The following RRBP1 variants were observed in gnomAD, a reference collection of about 807,000 sequenced individuals.
RRBP1 encodes ribosome binding protein 1.
In RRBP1, 94 loss-of-function variants were observed where a neutral mutation model predicts 165.2. The ratio of observed to expected loss-of-function variants is 0.57; its 90% confidence interval spans 0.48 to 0.68. The LOEUF (loss-of-function observed/expected upper bound fraction) is 0.68, where lower values mean the gene tolerates loss of function less well. Ranked by LOEUF, RRBP1 falls within the 30% of genes least tolerant of loss-of-function variation. The pLI, the probability that RRBP1 is intolerant of heterozygous loss-of-function variation, is 0.00. For missense variants in RRBP1, 1,676 were observed against 1,763.0 expected (o/e 0.95, Z 0.88); for synonymous variants, 680 against 714.5 (o/e 0.95, Z 0.77).
chr20:17,639,246 T>A (rs1281893543), intron 5 of RRBP1, among the ~76,000 whole-genome samples: 1 of 152,178 alleles, frequency 6.6e-6, no homozygotes, highest in East Asian at 1.9e-4. Flanking sequence ...GCCCATCAAC[T>A]CCTGCAGACA....
chr20:17,648,616 T>C (rs1322817583), intron 3 of RRBP1, among the ~76,000 whole-genome samples: 1 of 152,276 alleles, frequency 6.6e-6, no homozygotes, highest in Non-Finnish European at 1.5e-5. Flanking sequence ...TTTCCTTTAG[T>C]TGGAGAAAAA....
chr20:17,619,719 G>A lies in RRBP1; in HGVS notation c.3589C>T (p.His1197Tyr), dbSNP rs766866786. 2.5e-6 allele frequency: 4 copies of A among 1,611,446 alleles called. No homozygotes were observed. In the South Asian group the frequency reaches 4.4e-5, roughly 18 times the overall value. ...AGCTCTGCCTCCAAATGCGACGTGT[G>A]CTCCCTCACCTGGACAGATGCACAG... ...ELESSDQVREHTSHLEAELEK... is the reference protein window; with the variant it reads ...ELESSDQVREYTSHLEAELEK... The change falls in exon 19 of 25, where the codon CAC (histidine) becomes TAC (tyrosine). Residue 1197 changes from histidine (H) to tyrosine (Y), a missense_variant. Transcript: ENST00000377813.
rs1284242889 is a variant in RRBP1 at position 17,615,501 on chromosome 20, TC to T, written c.3979del (p.Glu1327LysfsTer12). 1 of 1,606,652 alleles carries T rather than the reference TC, an allele frequency of 6.2e-7. No individual in the cohort carries two copies. The highest frequency in any genetic ancestry group is 1.3e-5 in the African/African-American group (1 of 74,386). ...EAQTSACRLQ[E>X]ELEKLRTAGP... ...GGCTGTGCGGAGCTTCTCCAATTCT[TC>T]TTGTAACCGACATGCCGAGGTCTGA... On this transcript the variant is annotated frameshift_variant, in exon 23 of 25. Transcript: ENST00000377813. LOFTEE classifies it high-confidence loss of function.
At position 17,614,101 on chromosome 20, in the gene RRBP1, T is replaced by G. The variant is rs2035743639; in HGVS notation, c.*81A>C. The G allele has an allele frequency of 7.9e-6, 11 of 1,386,664 alleles. No homozygotes were observed. Among genetic ancestry groups the G allele is most frequent in the Admixed American group, 1.7e-5 (1 of 59,620 alleles). 85.9% of individuals were successfully genotyped at this position (1,386,664 alleles called of 1,614,324 possible). A position where few individuals can be genotyped will look rare whatever the true frequency, so the allele number is the denominator to read the frequency against. On this transcript the variant is annotated 3_prime_UTR_variant, in exon 25 of 25. Transcript: ENST00000377813. ...GAAGTTGGGCCTGGATAACGCTGTG[T>G]AGGTTGGTTGGTTTATTTGTAAGGA...
chr20:17,663,001 C>A (rs184192447), intron 2 of RRBP1, among the ~76,000 whole-genome samples: 1 of 152,200 alleles, frequency 6.6e-6, no homozygotes, highest in Non-Finnish European at 1.5e-5. Flanking sequence ...CATAGTGAGA[C>A]CCCATCTCTA....
At chr20:17,640,858 C>T (rs1568769289) in intron 5 of RRBP1, among the ~76,000 whole-genome samples, 3 of 152,222 alleles carry the variant, frequency 2.0e-5, no homozygotes, top group Non-Finnish European at 4.4e-5. Flanking sequence ...ACTTCCAATT[C>T]TTTGTGCTCG....
In RRBP1 at chr20:17,656,489, T is replaced by C. The variant is rs556430092; in HGVS notation, c.1912+2107A>G. Among the ~76,000 whole-genome samples, 121 of 152,344 alleles carry C rather than the reference T, an allele frequency of 7.9e-4. 3 individuals are homozygous for C. The South Asian group carries it at 0.012, about 16-fold the overall frequency. Reference sequence around the variant, plus strand: ...AGTGCTTGGCGGGTCTAAGAAGACTTTTCCAAATTATGAATATATGAACAC... The same window carrying C: ...AGTGCTTGGCGGGTCTAAGAAGACTCTTCCAAATTATGAATATATGAACAC... On this transcript the variant is annotated intron_variant, in intron 3 of 24. Coordinates refer to ENST00000377813, the MANE Select transcript of RRBP1 (RefSeq NM_001365613.2).
At chr20:17,661,354 TG>T (rs777239827) in intron 2 of RRBP1, among the ~76,000 whole-genome samples, 4 of 152,220 alleles carry the variant, frequency 2.6e-5, no homozygotes, top group Non-Finnish European at 5.9e-5. Flanking sequence ...GAATCAGTCT[TG>T]GGAGGCCCAG....
Position 17,616,002 on chromosome 20 carries a change from G to T in RRBP1, c.3875C>A (p.Thr1292Lys). 6.2e-7 allele frequency: 1 copy of T among 1,605,540 alleles called. No individual in the cohort carries two copies. Among genetic ancestry groups the T allele is most frequent in the South Asian group, 1.1e-5 (1 of 90,962 alleles). The change falls in exon 22 of 25, where the codon ACG becomes AAG. Residue 1292 changes from threonine (T) to lysine (K), a missense_variant. Coordinates refer to ENST00000377813, the MANE Select transcript of RRBP1 (RefSeq NM_001365613.2). ...GATGGCTTCTGTCCACTCCAGCTGCGTCTTCAGCTGTGCAAACACCGCAAA... is the reference window on the plus strand; with the variant it reads ...GATGGCTTCTGTCCACTCCAGCTGCTTCTTCAGCTGTGCAAACACCGCAAA... ...PAEQDPVQLK[T>K]QLEWTEAILE...
intron 9 of RRBP1, among the ~76,000 whole-genome samples, 177 bp from the exon 10 acceptor site, chr20:17,627,859 G>A (rs2036060596): frequency 6.6e-6 from 1 of 152,208 alleles, no homozygotes; most frequent in Non-Finnish European, 1.5e-5. Flanking sequence ...CTTGTTAGCG[G>A]TTGAAGAAAG....
chr20:17,647,680 T>C (rs1398257801), intron 3 of RRBP1, among the ~76,000 whole-genome samples: 1 of 152,158 alleles, frequency 6.6e-6, no homozygotes, highest in Admixed American at 6.5e-5. Context: ...CCAGGGACTC[T>C]GGCAATGGAA....
In RRBP1 at chr20:17,633,514, C is replaced by T. The variant is rs577880579; in HGVS notation, c.2556G>A (p.Arg852=). The change falls in exon 8 of 25, where the codon CGG becomes CGA. Residue 852 remains arginine (R), a synonymous_variant. Transcript: ENST00000377813. ...CAGCTGCCTTGGCTTCCAGAGCTTT[C>T]CGCTGCTGCTCATCTTGCCGCACAG... ...SEAVRQDEQQ[R]KALEAKAAAF... is the part of the protein sequence containing the mutation. 1 of 1,614,068 alleles carries T rather than the reference C, an allele frequency of 6.2e-7. No homozygotes were observed. Among genetic ancestry groups the T allele is most frequent in the South Asian group, 1.1e-5 (1 of 91,080 alleles).
At position 17,659,301 on chromosome 20, in the gene RRBP1, CAGCCTTCTTGCCCTGGTTCTG is replaced by C. The variant is rs2036709210; in HGVS notation, c.1186_1206del (p.Gln396_Ala402del). On this transcript the variant is annotated inframe_deletion, in exon 3 of 25. Coordinates refer to ENST00000377813, the MANE Select transcript of RRBP1 (RefSeq NM_001365613.2). Reference sequence around the variant, plus strand: ...TTTTTGCCCTGGTTCTGGGCACCCTCAGCCTTCTTGCCCTGGTTCTGGGCCCCTTCTACTTTTTTGCCCTGG... The same window carrying C: ...TTTTTGCCCTGGTTCTGGGCACCCTCGGCCCCTTCTACTTTTTTGCCCTGG... 6.5e-7 allele frequency: 1 copy of C among 1,540,358 alleles called. No homozygotes were observed. Among genetic ancestry groups the C allele is most frequent in the African/African-American group, 1.4e-5 (1 of 69,222 alleles).
At chr20:17,665,332 C>T (rs2122474574) in intron 2 of RRBP1, among the ~76,000 whole-genome samples, 1 of 152,246 alleles carries the variant, frequency 6.6e-6, no homozygotes, top group East Asian at 1.9e-4. Flanking sequence ...TTTGACTAAA[C>T]TTTGTGAGAA....
At position 17,660,215 on chromosome 20, in the gene RRBP1, T is replaced by C; in HGVS notation, c.293A>G (p.Glu98Gly). 6.2e-7 allele frequency: 1 copy of C among 1,613,762 alleles called. No individual in the cohort carries two copies. The highest frequency in any genetic ancestry group is 8.5e-7 in the Non-Finnish European group (1 of 1,179,838). Residue 98 changes from glutamate to glycine, a missense_variant, in exon 3 of 25, where the codon GAA becomes GGA. Coordinates refer to ENST00000377813, the MANE Select transcript of RRBP1 (RefSeq NM_001365613.2). ...AGCCACAGCAGGAGCCCGCACTGGT[T>C]CTCGAAGGAGGACAGTCACATTGGG... The part of the protein sequence containing the change: ...PAPNVTVLLR[E>G]PVRAPAVAVA...
rs374258265 is a variant in RRBP1, at chr20:17,614,885, T to C, written c.4051-5A>G. The C allele has an allele frequency of 1.6e-5, 26 of 1,612,248 alleles. No homozygotes were observed. The highest frequency in any genetic ancestry group is 2.0e-5 in the Non-Finnish European group (24 of 1,179,936). On this transcript the variant is annotated splice_polypyrimidine_tract_variant and splice_region_variant and intron_variant, in intron 23 of 24. Transcript: ENST00000377813. Reference sequence around the variant, plus strand: ...CTTCTCTTTTTCTAGTCTCTCCTGATGGTCAGAAGGTTGACGGGCATCAGC... The same window carrying C: ...CTTCTCTTTTTCTAGTCTCTCCTGACGGTCAGAAGGTTGACGGGCATCAGC...
At chr20:17,635,777 C>T (rs2036236561) in intron 6 of RRBP1, 113 bp from the exon 7 acceptor site, 1 of 780,356 alleles carries the variant, frequency 1.3e-6, no homozygotes, top group East Asian at 2.6e-5. Context: ...CCAAAAGCCT[C>T]CACCTTTTCC....
At chr20:17,619,143 A>C (rs949986169) in intron 19 of RRBP1, 1 of 176,754 alleles carries the variant, frequency 5.7e-6, no homozygotes, top group African/African-American at 2.4e-5. Flanking sequence ...GGCCGGTCTC[A>C]AATTTCTGGC....
rs769768141 is a variant in RRBP1 at position 17,624,662 on chromosome 20, G to C, written c.3061C>G (p.Arg1021Gly). 2 of 1,576,662 alleles carry C rather than the reference G, an allele frequency of 1.3e-6. No individual in the cohort carries two copies. The highest frequency in any genetic ancestry group is 1.7e-6 in the Non-Finnish European group (2 of 1,161,562). ...EQQKVKNNDLREKNWKAMEAL... is the reference protein window; with the variant it reads ...EQQKVKNNDLGEKNWKAMEAL... ...TCCATGGCCTTCCAGTTCTTCTCCC[G>C]GAGGTCCTGGAGGGGACACAGGTGA... Residue 1021 changes from arginine to glycine, a missense_variant, in exon 13 of 25, where the codon CGG becomes GGG. By Grantham distance (125) the Arg-to-Gly change is moderately radical. Coordinates refer to ENST00000377813, the MANE Select transcript of RRBP1 (RefSeq NM_001365613.2).
Sources: gnomAD v4.1 joint callset for allele counts (sites outside exome capture counted in the v4.1 genomes callset) on GRCh38, gnomAD v4.1.1 for gene constraint, MANE v1.5 for transcripts, NCBI Gene and HGNC (gene_info 2026-07-23, HGNC 2026-07-21) for gene names.